The following RAP1GAP2 variants were observed in gnomAD, a reference collection of about 807,000 sequenced individuals.
RAP1GAP2 encodes rap1 GTPase-activating protein 2.
A neutral mutation model predicts 95.0 loss-of-function variants in RAP1GAP2; 27 were observed. That is an observed-to-expected ratio of 0.28 (90% CI 0.21 to 0.39). The LOEUF (loss-of-function observed/expected upper bound fraction) is 0.39, where lower values mean the gene tolerates loss of function less well. RAP1GAP2 is among the 10% of genes least tolerant of loss of function. RAP1GAP2 has a pLI of 1.00. For missense variants in RAP1GAP2, 771 were observed against 970.0 expected (o/e 0.79, Z 2.72); for synonymous variants, 373 against 380.9 (o/e 0.98, Z 0.24).
chr17:2,938,012 C>T (rs567361793), intron 3 of RAP1GAP2, among the ~76,000 whole-genome samples: 1 of 152,244 alleles, frequency 6.6e-6, no homozygotes, highest in Admixed American at 6.5e-5. Context: ...AGGAGACGGG[C>T]TTTGTGCCTG....
chr17:2,791,808 T>C (rs531313396), upstream of RAP1GAP2, among the ~76,000 whole-genome samples: 1 of 151,070 alleles, frequency 6.6e-6, no homozygotes, highest in South Asian at 2.1e-4. Flanking sequence ...CTGTGCTTGA[T>C]GGGGCCAGGA....
At chr17:3,020,626 G>A (rs1265230819) in intron 19 of RAP1GAP2, 31 bp downstream of exon 19, 2 of 1,583,270 alleles carry the variant, frequency 1.3e-6, no homozygotes, top group Admixed American at 3.5e-5. Flanking sequence ...ACCCCAGCCT[G>A]ACTTGCGGGG....
intron 2 of RAP1GAP2, among the ~76,000 whole-genome samples, chr17:2,897,771 C>T (rs2041887392): frequency 6.6e-6 from 1 of 152,098 alleles, no homozygotes; most frequent in South Asian, 2.1e-4. Context: ...TGGGCGGTTC[C>T]CTCGGCTCTC....
At chr17:2,879,712 C>T (rs1320805573) in intron 2 of RAP1GAP2, among the ~76,000 whole-genome samples, 3 of 141,014 alleles carry the variant, frequency 2.1e-5, no homozygotes, top group Admixed American at 7.4e-5. Flanking sequence ...GGCGACAGGG[C>T]GAGACTCCAT....
chr17:2,797,838 G>A lies in RAP1GAP2; in HGVS notation c.44+1267G>A, dbSNP rs1163261717. The A allele has an allele frequency of 9.4e-6, 9 of 960,712 alleles. No homozygotes were observed. Among genetic ancestry groups the A allele is most frequent in the East Asian group, 1.2e-4 (1 of 8,678 alleles). The allele number at this position is 960,712 out of a possible 1,614,324, so 59.5% of individuals were successfully genotyped here. On this transcript the variant is annotated intron_variant, in intron 1 of 24. Transcript: ENST00000254695. This position sits in a 1 kb window ranked among gnomAD's most constrained non-coding sequence, Gnocchi z 5.6. ...GACTTGGCTTCTGGTTGGGAGGGGT[G>A]TGTGTGTCTTGGCTGTGGGCCTTGC...
intron 3 of RAP1GAP2, among the ~76,000 whole-genome samples, chr17:2,954,364 A>G (rs1420949625): frequency 3.3e-5 from 5 of 151,918 alleles, no homozygotes; most frequent in Non-Finnish European, 7.4e-5. Flanking sequence ...TCGGCCTCCC[A>G]AAGTGCTGGG....
intron 3 of RAP1GAP2, among the ~76,000 whole-genome samples, chr17:2,918,241 C>G (rs1469375231): frequency 6.6e-6 from 1 of 151,558 alleles, no homozygotes; most frequent in Non-Finnish European, 1.5e-5. Flanking sequence ...CAAGACCAGC[C>G]TGGCCAATAT....
chr17:2,961,252 C>T (rs1308146829), intron 4 of RAP1GAP2, among the ~76,000 whole-genome samples: 12 of 149,286 alleles, frequency 8.0e-5, no homozygotes, highest in African/African-American at 2.5e-4. Context: ...CAGTGGCTCA[C>T]GCCTATAATC....
chr17:2,825,998 T>G lies in RAP1GAP2; in HGVS notation c.80+25448T>G, dbSNP rs1287221374. On this transcript the variant is annotated intron_variant, in intron 2 of 24. Transcript: ENST00000254695. The surrounding 1 kb of genome is among the most constrained non-coding windows in gnomAD (Gnocchi z 4.1). ...CTTTCTTTCTGTTTTTTTTTTTTTT[T>G]GAGACGGAGTCTTGCTCTGTCGCCC... Among the ~76,000 whole-genome samples, 2 of 108,986 alleles carry G rather than the reference T, an allele frequency of 1.8e-5. No individual in the cohort carries two copies. Among genetic ancestry groups the G allele is most frequent in the Non-Finnish European group, 3.8e-5 (2 of 53,250 alleles). The allele number at this position is 108,986 out of a possible 152,430, so 71.5% of individuals were successfully genotyped here.
chr17:2,780,119 C>T (rs377451089), intron 1 of RAP1GAP2, among the ~76,000 whole-genome samples: 3 of 152,146 alleles, frequency 2.0e-5, no homozygotes, highest in African/African-American at 7.2e-5. Flanking sequence ...GGCGCGATCT[C>T]GGCTCACCGC....
chr17:2,987,937 T>C (rs2045611761), intron 11 of RAP1GAP2, among the ~76,000 whole-genome samples: 1 of 152,238 alleles, frequency 6.6e-6, no homozygotes, highest in Non-Finnish European at 1.5e-5. Flanking sequence ...CTGTGCATGT[T>C]TGCAGAGCCT....
intron 2 of RAP1GAP2, among the ~76,000 whole-genome samples, chr17:2,814,872 T>C (rs916853946): frequency 6.6e-6 from 1 of 152,140 alleles, no homozygotes; most frequent in African/African-American, 2.4e-5. Flanking sequence ...ACGGCAGCCA[T>C]TGCCCCTTTC....
rs1241110500 is a variant in RAP1GAP2 at position 2,906,160 on chromosome 17, C to T, written c.165+792C>T. Among the ~76,000 whole-genome samples, 2 of 152,158 alleles carry T rather than the reference C, an allele frequency of 1.3e-5. No individual in the cohort carries two copies. The highest frequency in any genetic ancestry group is 1.3e-4 in the Admixed American group (2 of 15,282). On this transcript the variant is annotated intron_variant, in intron 3 of 24. Transcript: ENST00000254695. The surrounding 1 kb of genome is among the most constrained non-coding windows in gnomAD (Gnocchi z 4.3). ...TGAGGACTAGTGCTGAAGAAGTCACCTGCCTCCTGAGTCATCTGAGGGGAC... is the reference window on the plus strand; with the variant it reads ...TGAGGACTAGTGCTGAAGAAGTCACTTGCCTCCTGAGTCATCTGAGGGGAC...
At chr17:2,992,058 G>T (rs1357597348) in intron 12 of RAP1GAP2, among the ~76,000 whole-genome samples, 1 of 152,130 alleles carries the variant, frequency 6.6e-6, no homozygotes, top group Non-Finnish European at 1.5e-5. Context: ...GAGCCGCCGC[G>T]CCTGGCCTGA....
At chr17:2,953,250 G>A (rs758036687) in intron 3 of RAP1GAP2, among the ~76,000 whole-genome samples, 32 of 151,578 alleles carry the variant, frequency 2.1e-4, no homozygotes, top group Non-Finnish European at 4.3e-4. Flanking sequence ...CCAGGGTAGG[G>A]TACAGTGTCA....
intron 17 of RAP1GAP2, among the ~76,000 whole-genome samples, chr17:3,010,360 A>G (rs1475836438): frequency 1.4e-5 from 2 of 143,388 alleles, no homozygotes; most frequent in Non-Finnish European, 3.1e-5. Context: ...AAAAAAAAAA[A>G]GAAAAGTTGA....
chr17:3,003,290 T>C lies in RAP1GAP2; in HGVS notation c.1201-2079T>C, dbSNP rs1332799234. ...GCACGAAGCATCACTCTGGATTATT[T>C]TTCAGAAATGAGTGTAGTCCTCATC... is the stretch of plus-strand genomic sequence containing the variant. On this transcript the variant is annotated intron_variant, in intron 14 of 24. Transcript: ENST00000254695. The surrounding 1 kb of genome is among the most constrained non-coding windows in gnomAD (Gnocchi z 4.1). Among the ~76,000 whole-genome samples, 1 of 152,070 alleles carries C rather than the reference T, an allele frequency of 6.6e-6. No homozygotes were observed. Among genetic ancestry groups the C allele is most frequent in the Non-Finnish European group, 1.5e-5 (1 of 68,014 alleles).
Position 2,855,091 on chromosome 17 carries a change from G to T in RAP1GAP2, c.81-50193G>T, listed in dbSNP as rs367824222. On this transcript the variant is annotated intron_variant, in intron 2 of 24. Transcript: ENST00000254695. The surrounding 1 kb of genome is among the most constrained non-coding windows in gnomAD (Gnocchi z 4.3). Reference sequence around the variant, plus strand: ...GCCCACAGGTATGAACGTACCTGGGGTGGTGGTAGGCAGGGAATACGGGGG... The same window carrying T: ...GCCCACAGGTATGAACGTACCTGGGTTGGTGGTAGGCAGGGAATACGGGGG... 2.3e-3 allele frequency among the ~76,000 whole-genome samples: 347 copies of T among 152,336 alleles called. 2 individuals carry two copies. The highest frequency in any genetic ancestry group is 7.6e-3 in the African/African-American group (314 of 41,572).
chr17:2,793,898 C>T (rs1474626053), upstream of RAP1GAP2, among the ~76,000 whole-genome samples: 5 of 151,818 alleles, frequency 3.3e-5, no homozygotes, highest in East Asian at 9.7e-4. Context: ...GTCAGGAGTT[C>T]GAGACTAGCC....
Sources: allele counts gnomAD v4.1 joint callset (sites outside exome capture counted in the v4.1 genomes callset), GRCh38; gene constraint gnomAD v4.1.1; non-coding constraint Gnocchi (gnomAD v3.1); transcripts MANE v1.5; gene names NCBI Gene and HGNC (gene_info 2026-07-23, HGNC 2026-07-21).